NME7: variants seen among roughly 807,000 people sequenced by gnomAD.
The protein encoded by NME7 is nucleoside diphosphate kinase 7.
Under a neutral mutation model 49.1 loss-of-function variants are expected in NME7, and 41 were observed. The ratio of observed to expected loss-of-function variants is 0.83; its 90% confidence interval spans 0.65 to 1.08. The LOEUF (loss-of-function observed/expected upper bound fraction) is 1.08. Ranked by LOEUF, NME7 falls within the 50% of genes least tolerant of loss-of-function variation. The pLI, the probability that NME7 is intolerant of heterozygous loss-of-function variation, is 0.00. For synonymous variants in NME7, 139 were observed against 150.6 expected (o/e 0.92, Z 0.56); for missense variants, 423 against 463.4 (o/e 0.91, Z 0.80).
intron 7 of NME7, among the ~76,000 whole-genome samples, chr1:169,280,153 A>G (rs1649945215): frequency 1.3e-5 from 2 of 152,110 alleles, no homozygotes; most frequent in South Asian, 2.1e-4. Flanking sequence ...ATAATCACCA[A>G]TCTAACTGGT....
chr1:169,169,753 C>A (rs1659522976), intron 10 of NME7, among the ~76,000 whole-genome samples, 199 bp from the exon 11 acceptor site: 1 of 152,052 alleles, frequency 6.6e-6, no homozygotes, highest in Non-Finnish European at 1.5e-5. Flanking sequence ...TTCTTTTTAT[C>A]AATAGATTAT....
chr1:169,150,058 A>G (rs1051059497), intron 11 of NME7, among the ~76,000 whole-genome samples: 1 of 152,164 alleles, frequency 6.6e-6, no homozygotes, highest in African/African-American at 2.4e-5. Context: ...CTGTAGTCCC[A>G]GCTACTTGGA....
chr1:169,367,143 TA>T (rs10626974), intron 1 of NME7, among the ~76,000 whole-genome samples: 66 of 148,532 alleles, frequency 4.4e-4, no homozygotes, highest in African/African-American at 1.6e-3. Context: ...AATTTCTGTT[TA>T]AAAAAAAAAG....
chr1:169,298,025 A>G (rs1041223271), intron 6 of NME7, among the ~76,000 whole-genome samples: 3 of 152,196 alleles, frequency 2.0e-5, no homozygotes, highest in African/African-American at 7.2e-5. Context: ...ACTTCTCACG[A>G]TGCTAAAAAT....
At chr1:169,251,572 TATTATAC>T (rs1648616341) in intron 7 of NME7, among the ~76,000 whole-genome samples, 1 of 132,220 alleles carries the variant, frequency 7.6e-6, no homozygotes, top group Non-Finnish European at 1.6e-5. Flanking sequence ...TTTTTTTTTT[TATTATAC>T]TTTAAGTTTT....
At chr1:169,336,241 T>C (rs1327844003) in intron 1 of NME7, among the ~76,000 whole-genome samples, 1 of 152,156 alleles carries the variant, frequency 6.6e-6, no homozygotes, top group Non-Finnish European at 1.5e-5. Flanking sequence ...CGGTGAGTGT[T>C]ACAGCTCATA....
chr1:169,215,014 G>T (rs536351291), intron 10 of NME7, among the ~76,000 whole-genome samples: 59 of 152,236 alleles, frequency 3.9e-4, no homozygotes, highest in Non-Finnish European at 7.5e-4. Context: ...GGTGGGCCCC[G>T]AATTCTTGTC....
chr1:169,216,795 C>T lies in NME7; in HGVS notation c.990+13923G>A, dbSNP rs542555088. ...ACTAGCTAGTGTCTGTTGAAGAATC[C>T]GCTACAGAATTGATTGGTTGTTGGT... is the stretch of plus-strand genomic sequence containing the variant. On this transcript the variant is annotated intron_variant, in intron 10 of 11. Coordinates refer to ENST00000367811, the MANE Select transcript of NME7 (RefSeq NM_013330.5). Among the ~76,000 whole-genome samples, 40 of 152,248 alleles carry T rather than the reference C, an allele frequency of 2.6e-4. 1 individual carries two copies. The highest frequency in any genetic ancestry group is 7.9e-4 in the African/African-American group (33 of 41,552).
chr1:169,324,361 G>GC (rs1428479209), intron 2 of NME7, 32 bp downstream of exon 2: 1 of 1,408,374 alleles, frequency 7.1e-7, no homozygotes, highest in Non-Finnish European at 1.0e-6. Flanking sequence ...CACCCCCTTT[G>GC]CCAACATTCA....
intron 1 of NME7, among the ~76,000 whole-genome samples, chr1:169,342,862 CAA>C (rs1446420179): frequency 1.3e-5 from 1 of 76,148 alleles, no homozygotes; most frequent in African/African-American, 4.6e-5. Flanking sequence ...TATATATATA[CAA>C]GTACATATAT....
intron 10 of NME7, among the ~76,000 whole-genome samples, chr1:169,201,601 T>C (rs1339636549): frequency 6.6e-6 from 1 of 151,888 alleles, no homozygotes; most frequent in Non-Finnish European, 1.5e-5. Context: ...CTATAATGGG[T>C]TGGGGAAAGG....
chr1:169,339,335 T>A (rs535786926), intron 1 of NME7, among the ~76,000 whole-genome samples: 1 of 152,286 alleles, frequency 6.6e-6, no homozygotes, highest in East Asian at 1.9e-4. Context: ...AGGACATGAG[T>A]TACCCATGAG....
At chr1:169,344,538 A>G (rs1652890575) in intron 1 of NME7, among the ~76,000 whole-genome samples, 1 of 152,184 alleles carries the variant, frequency 6.6e-6, no homozygotes, top group African/African-American at 2.4e-5. Flanking sequence ...CCCTTAGTTC[A>G]AAGTTCACTT....
intron 7 of NME7, among the ~76,000 whole-genome samples, chr1:169,241,350 C>T (rs988866861): frequency 1.1e-4 from 17 of 151,610 alleles, no homozygotes; most frequent in Admixed American, 2.6e-4. Flanking sequence ...TGTTCACCAT[C>T]GCTTTTGCAC....
chr1:169,278,347 T>C (rs1649838185), intron 7 of NME7, among the ~76,000 whole-genome samples: 3 of 152,164 alleles, frequency 2.0e-5, no homozygotes, highest in African/African-American at 7.2e-5. Flanking sequence ...ATTTGGTCTT[T>C]TCACATAGTC....
At chr1:169,168,923 A>T in intron 11 of NME7, 1 of 456,068 alleles carries the variant, frequency 2.2e-6, no homozygotes, top group Non-Finnish European at 4.4e-6. Context: ...AAATGAATAT[A>T]TAAGTGGACC....
chr1:169,282,179 G>C (rs1045607632), intron 7 of NME7, among the ~76,000 whole-genome samples: 1 of 152,124 alleles, frequency 6.6e-6, no homozygotes, highest in African/African-American at 2.4e-5. Flanking sequence ...AGACTTGGGA[G>C]GATGTATGTG....
chr1:169,241,351 G>A (rs376939878), intron 7 of NME7, among the ~76,000 whole-genome samples: 26 of 151,826 alleles, frequency 1.7e-4, no homozygotes, highest in South Asian at 4.2e-4. Context: ...GTTCACCATC[G>A]CTTTTGCACC....
At chr1:169,340,590 A>C (rs561689871) in intron 1 of NME7, among the ~76,000 whole-genome samples, 1 of 152,320 alleles carries the variant, frequency 6.6e-6, no homozygotes, top group South Asian at 2.1e-4. Flanking sequence ...GCTCAGAAGA[A>C]AAGAAGATGT....
Sources: gnomAD v4.1 joint callset for allele counts (sites outside exome capture counted in the v4.1 genomes callset) on GRCh38, gnomAD v4.1.1 for gene constraint, MANE v1.5 for transcripts, NCBI Gene and HGNC (gene_info 2026-07-23, HGNC 2026-07-21) for gene names.